Variants in HIF1A observed in about 807,000 individuals in gnomAD.
HIF1A encodes the protein hypoxia inducible factor 1 subunit alpha.
In HIF1A, 24 loss-of-function variants were observed where a neutral mutation model predicts 92.7. The observed-to-expected ratio is 0.26, with a 90% CI of 0.19 to 0.36. HIF1A has a LOEUF of 0.36. HIF1A is among the 10% of genes least tolerant of loss of function. HIF1A has a pLI of 1.00. For synonymous variants in HIF1A, 319 were observed against 338.7 expected (o/e 0.94, Z 0.64); for missense variants, 799 against 998.5 (o/e 0.80, Z 2.69).
At chr14:61,718,795 T>C (rs1170744313) in intron 1 of HIF1A, among the ~76,000 whole-genome samples, 2 of 152,306 alleles carry the variant, frequency 1.3e-5, no homozygotes, top group East Asian at 3.9e-4. Flanking sequence ...TTCCTTTTTT[T>C]CCTCCACCAT....
In HIF1A at chr14:61,737,105, C is replaced by T; in HGVS notation, c.1245C>T (p.Ser415=). ...GDTIISLDFG[S]NDTETDDQQL... is the part of the protein sequence containing the mutation. Reference sequence around the variant, plus strand: ...CAATCATATCTTTAGATTTTGGCAGCAACGGTGAGTAGTTATTTTTGTTAA... The same window carrying T: ...CAATCATATCTTTAGATTTTGGCAGTAACGGTGAGTAGTTATTTTTGTTAA... Residue 415 remains serine, a synonymous_variant, in exon 9 of 15, where the codon AGC becomes AGT. Transcript: ENST00000337138. The T allele has an allele frequency of 4.3e-6, 7 of 1,611,990 alleles. No homozygotes were observed. The highest frequency in any genetic ancestry group is 5.9e-6 in the Non-Finnish European group (7 of 1,178,132).
intron 9 of HIF1A, among the ~76,000 whole-genome samples, chr14:61,737,525 T>C (rs1053886149): frequency 1.3e-5 from 2 of 152,210 alleles, no homozygotes; most frequent in Non-Finnish European, 2.9e-5. Flanking sequence ...AACATTTTAA[T>C]GTATAAAAAG....
At chr14:61,699,233 G>A (rs1015179606) in intron 1 of HIF1A, among the ~76,000 whole-genome samples, 11 of 152,162 alleles carry the variant, frequency 7.2e-5, no homozygotes, top group African/African-American at 2.7e-4. Flanking sequence ...TTTAGACTGA[G>A]AAAGTATTGG....
At chr14:61,701,776 T>TC (rs750634089) in intron 1 of HIF1A, among the ~76,000 whole-genome samples, 64 of 152,140 alleles carry the variant, frequency 4.2e-4, no homozygotes, top group African/African-American at 1.4e-3. Context: ...TCACCTGAGG[T>TC]CAGGAGTTCG....
chr14:61,739,874 A>C (rs2044685424), intron 10 of HIF1A, among the ~76,000 whole-genome samples: 1 of 152,148 alleles, frequency 6.6e-6, no homozygotes, highest in African/African-American at 2.4e-5. Context: ...CAGTGAATGT[A>C]GCATCTAGTT....
At chr14:61,727,154 T>A (rs2044515535) in intron 5 of HIF1A, among the ~76,000 whole-genome samples, 1 of 152,150 alleles carries the variant, frequency 6.6e-6, no homozygotes, top group Non-Finnish European at 1.5e-5. Flanking sequence ...TGAAACATAG[T>A]CATCAGTGCA....
At position 61,736,886 on chromosome 14, in the gene HIF1A, C is replaced by T. The variant is rs1253149602; in HGVS notation, c.1029-3C>T. 2 of 1,598,856 alleles carry T rather than the reference C, an allele frequency of 1.3e-6. No homozygotes were observed. Among genetic ancestry groups the T allele is most frequent in the South Asian group, 1.1e-5 (1 of 90,696 alleles). ...GAATTACCAATTTCTCTTGTTTTGA[C>T]AGTGGTATTATTCAGCACGACTTGA... On this transcript the variant is annotated splice_region_variant and splice_polypyrimidine_tract_variant and intron_variant, in intron 8 of 14. Coordinates refer to ENST00000337138, the MANE Select transcript of HIF1A (RefSeq NM_001530.4).
In HIF1A at chr14:61,704,239, C is replaced by T. The variant is rs140799461; in HGVS notation, c.35+8400C>T. ...AGTTGTTTTCAACATTGTTTAGAAT[C>T]GCTCAAGCCTTCTTTGTGATAATCT... On this transcript the variant is annotated intron_variant, in intron 1 of 14. Coordinates refer to ENST00000337138, the MANE Select transcript of HIF1A (RefSeq NM_001530.4). Among the ~76,000 whole-genome samples, 11 of 152,244 alleles carry T rather than the reference C, an allele frequency of 7.2e-5. No homozygotes were observed. The East Asian group carries it at 1.7e-3, about 24-fold the overall frequency.
intron 1 of HIF1A, among the ~76,000 whole-genome samples, chr14:61,703,611 G>T (rs903056396): frequency 2.0e-5 from 3 of 149,768 alleles, no homozygotes; most frequent in African/African-American, 7.4e-5. Context: ...CATCCATACA[G>T]TTTGTAATAT....
intron 6 of HIF1A, 71 bp downstream of exon 6, chr14:61,727,726 C>T: frequency 8.5e-7 from 1 of 1,183,100 alleles, no homozygotes; most frequent in Non-Finnish European, 1.2e-6. Flanking sequence ...TTCACCATAG[C>T]AAAGATTCAG....
At chr14:61,696,281 G>C (rs560988979) in intron 1 of HIF1A, among the ~76,000 whole-genome samples, 1 of 152,240 alleles carries the variant, frequency 6.6e-6, no homozygotes, top group Non-Finnish European at 1.5e-5. Context: ...ATCCTCTCCA[G>C]TTCCATTGAA....
At chr14:61,720,598 T>C (rs746251993) in intron 2 of HIF1A, 26 bp downstream of exon 2, 30 of 1,426,416 alleles carry the variant, frequency 2.1e-5, no homozygotes, top group African/African-American at 2.9e-5. Flanking sequence ...AGGGTATAAA[T>C]AGGCCTGAAA....
At chr14:61,734,583 G>A (rs1279478611) in intron 8 of HIF1A, among the ~76,000 whole-genome samples, 1 of 151,946 alleles carries the variant, frequency 6.6e-6, no homozygotes, top group Non-Finnish European at 1.5e-5. Context: ...TACAGATATC[G>A]GCATATACTA....
chr14:61,698,864 T>G (rs1465859221), intron 1 of HIF1A: 1 of 152,222 alleles, frequency 6.6e-6, no homozygotes, highest in Non-Finnish European at 1.5e-5. Flanking sequence ...CTCTGGACTC[T>G]AGAGTCAAAC....
At position 61,747,801 on chromosome 14, in the gene HIF1A, A is replaced by G. The variant is rs2140165032; in HGVS notation, c.*716A>G. On this transcript the variant is annotated 3_prime_UTR_variant, in exon 15 of 15. Transcript: ENST00000337138. Reference sequence around the variant, plus strand: ...TGGCATTTATTTGGATAAAATTCTCAATTCAGAGAAATCATCTGATGTTTC... The same window carrying G: ...TGGCATTTATTTGGATAAAATTCTCGATTCAGAGAAATCATCTGATGTTTC... 6.5e-6 allele frequency: 1 copy of G among 152,692 alleles called. No individual in the cohort carries two copies. Among genetic ancestry groups the G allele is most frequent in the East Asian group, 1.9e-4 (1 of 5,186 alleles). The allele number at this position is 152,692 out of a possible 1,614,324, so 9.5% of individuals were successfully genotyped here.
At chr14:61,736,510 T>C (rs1032611312) in intron 8 of HIF1A, among the ~76,000 whole-genome samples, 4 of 152,170 alleles carry the variant, frequency 2.6e-5, no homozygotes, top group African/African-American at 7.2e-5. Context: ...TCAGTGTCTA[T>C]TGATGCCATC....
Position 61,736,941 on chromosome 14 carries a change from CTTAA to C in HIF1A, c.1082_1085del (p.Leu361HisfsTer8). ...CTCCCTTCAACAAACAGAATGTGTC[CTTAA>C]ACCGGTTGAATCTTCAGATATGAAA... On this transcript the variant is annotated frameshift_variant, in exon 9 of 15. Coordinates refer to ENST00000337138, the MANE Select transcript of HIF1A (RefSeq NM_001530.4). LOFTEE classifies it high-confidence loss of function. 1 of 1,614,070 alleles carries C rather than the reference CTTAA, an allele frequency of 6.2e-7. No homozygotes were observed. Among genetic ancestry groups the C allele is most frequent in the Non-Finnish European group, 8.5e-7 (1 of 1,179,936 alleles).
intron 1 of HIF1A, among the ~76,000 whole-genome samples, chr14:61,700,156 C>A (rs1327132865): frequency 6.6e-6 from 1 of 151,896 alleles, no homozygotes; most frequent in Non-Finnish European, 1.5e-5. Flanking sequence ...TTTTTAAAAT[C>A]GTAGTTCAAA....
intron 13 of HIF1A, among the ~76,000 whole-genome samples, chr14:61,745,140 A>G (rs1467914637): frequency 6.6e-6 from 1 of 152,092 alleles, no homozygotes; most frequent in East Asian, 1.9e-4. Flanking sequence ...AAGAACTGCT[A>G]TTGGCCAGGC....
Sources: gnomAD v4.1 joint callset for allele counts (sites outside exome capture counted in the v4.1 genomes callset) on GRCh38, gnomAD v4.1.1 for gene constraint, MANE v1.5 for transcripts, NCBI Gene and HGNC (gene_info 2026-07-23, HGNC 2026-07-21) for gene names.